EXOC4: variants seen among roughly 807,000 people sequenced by gnomAD.
EXOC4 encodes exocyst complex component 4.
EXOC4 carries 71 observed loss-of-function variants against 107.2 expected under a neutral mutation model. That is an observed-to-expected ratio of 0.66 (90% CI 0.55 to 0.81). The LOEUF (loss-of-function observed/expected upper bound fraction) is 0.81. EXOC4 is among the 30% of genes least tolerant of loss of function. EXOC4 has a pLI of 0.00. For missense variants in EXOC4, 1,108 were observed against 1,189.6 expected, an observed-to-expected ratio of 0.93 and a Z score of 1.01; for synonymous variants, 456 against 441.2, an observed-to-expected ratio of 1.03 and a Z score of -0.42.
chr7:133,724,013 A>T (rs896116839), intron 10 of EXOC4, among the ~76,000 whole-genome samples: 1 of 152,184 alleles, frequency 6.6e-6, no homozygotes, highest in African/African-American at 2.4e-5. Flanking sequence ...AGTTATATAT[A>T]TATTAAAAAA....
intron 9 of EXOC4, among the ~76,000 whole-genome samples, chr7:133,619,754 A>G (rs1802280824): frequency 6.6e-6 from 1 of 152,196 alleles, no homozygotes; most frequent in Non-Finnish European, 1.5e-5. Flanking sequence ...GATAAAACAG[A>G]ATAGACACTT....
chr7:133,559,778 C>T (rs1310952134), intron 9 of EXOC4, among the ~76,000 whole-genome samples: 2 of 152,116 alleles, frequency 1.3e-5, no homozygotes, highest in East Asian at 3.8e-4. Flanking sequence ...TTCTTTCTCA[C>T]TGTACACTTT....
At chr7:134,060,787 G>T (rs192399308) in intron 17 of EXOC4, among the ~76,000 whole-genome samples, 272 of 152,276 alleles carry the variant, frequency 1.8e-3, no homozygotes, top group Middle Eastern at 0.01. Context: ...AAAGATAAAT[G>T]AATTTCCTTC....
At chr7:133,258,390 C>T (rs1795066144) in intron 1 of EXOC4, among the ~76,000 whole-genome samples, 1 of 152,104 alleles carries the variant, frequency 6.6e-6, no homozygotes, top group Admixed American at 6.6e-5. Context: ...TGGTCACAGC[C>T]TGTGGTGTGA....
At chr7:133,706,666 A>G (rs926035687) in intron 10 of EXOC4, among the ~76,000 whole-genome samples, 5 of 152,196 alleles carry the variant, frequency 3.3e-5, no homozygotes, top group African/African-American at 9.6e-5. Flanking sequence ...GATATTTTAC[A>G]TTCTTTTTTT....
intron 6 of EXOC4, among the ~76,000 whole-genome samples, chr7:133,357,401 C>T (rs569939733): frequency 6.6e-6 from 1 of 152,272 alleles, no homozygotes; most frequent in East Asian, 1.9e-4. Context: ...TTTCCTGTGT[C>T]TCATGCTTTC....
chr7:133,455,670 C>G (rs1798447530), intron 7 of EXOC4, among the ~76,000 whole-genome samples: 1 of 152,146 alleles, frequency 6.6e-6, no homozygotes, highest in South Asian at 2.1e-4. Flanking sequence ...ATGGATAAAG[C>G]TGAGCTAATG....
intron 7 of EXOC4, among the ~76,000 whole-genome samples, chr7:133,439,416 T>A (rs1230539368): frequency 6.6e-6 from 1 of 151,868 alleles, no homozygotes; most frequent in Non-Finnish European, 1.5e-5. Context: ...ATCTCTTGAC[T>A]TCATGATCTG....
At position 133,281,704 on chromosome 7, in the gene EXOC4, ATTTTTTT is replaced by A. The variant is rs1029951425; in HGVS notation, c.276+6543_276+6549del. Among the ~76,000 whole-genome samples, 21 of 125,990 alleles carry A rather than the reference ATTTTTTT, an allele frequency of 1.7e-4. No homozygotes were observed. In the East Asian group the frequency reaches 3.1e-3, roughly 19 times the overall value. 82.7% of individuals were successfully genotyped at this position (125,990 alleles called of 152,430 possible). On this transcript the variant is annotated intron_variant, in intron 2 of 17. Transcript: ENST00000253861. ...TCCAAATTCAGTACTTTTCTTTTCT[ATTTTTTT>A]TTTTTTTTTGGAAAGAGTCTCGCTC...
At chr7:133,273,099 C>G (rs957729970) in intron 1 of EXOC4, among the ~76,000 whole-genome samples, 3 of 152,126 alleles carry the variant, frequency 2.0e-5, no homozygotes, top group African/African-American at 7.2e-5. Flanking sequence ...GAACCCTTAC[C>G]TTTGGGACAG....
At position 133,271,998 on chromosome 7, in the gene EXOC4, ATTATG is replaced by A. The variant is rs532627026; in HGVS notation, c.87-2978_87-2974del. ...TTTGTCTTCAGAGGGTGTACTTTTT[ATTATG>A]TTATGGAAAAACGCTACTGTCTTTG... On this transcript the variant is annotated intron_variant, in intron 1 of 17. Transcript: ENST00000253861. Among the ~76,000 whole-genome samples, 1,089 of 152,098 alleles carry A rather than the reference ATTATG, an allele frequency of 7.2e-3. 10 individuals carry two copies. Among genetic ancestry groups the A allele is most frequent in the African/African-American group, 0.026 (1,058 of 41,478 alleles).
In EXOC4 at chr7:133,411,081, G is replaced by A. The variant is rs1199332704; in HGVS notation, c.1182+36079G>A. On this transcript the variant is annotated intron_variant, in intron 7 of 17. Coordinates refer to ENST00000253861, the MANE Select transcript of EXOC4 (RefSeq NM_021807.4). ...TGTGATCTTAAGAGTCTCTTAAGAG[G>A]CTATAGTTACAGAGGCTAACTATCT... is the stretch of plus-strand genomic sequence containing the variant. 3.9e-5 allele frequency among the ~76,000 whole-genome samples: 6 copies of A among 152,256 alleles called. No individual in the cohort carries two copies. The East Asian group carries it at 1.2e-3, about 29-fold the overall frequency.
intron 6 of EXOC4, among the ~76,000 whole-genome samples, chr7:133,372,019 A>G (rs775895400): frequency 6.6e-6 from 1 of 152,166 alleles, no homozygotes; most frequent in Non-Finnish European, 1.5e-5. Context: ...CTTATTGGCC[A>G]TTCATATATT....
chr7:133,391,901 C>T (rs1796860745), intron 7 of EXOC4, among the ~76,000 whole-genome samples: 1 of 152,106 alleles, frequency 6.6e-6, no homozygotes, highest in Non-Finnish European at 1.5e-5. Context: ...ATTGGAAATT[C>T]AAATGCAAAT....
chr7:133,604,160 T>A (rs1376227128), intron 9 of EXOC4, among the ~76,000 whole-genome samples: 1 of 152,196 alleles, frequency 6.6e-6, no homozygotes, highest in Non-Finnish European at 1.5e-5. Context: ...ATATCATGCA[T>A]GGAGCTGTCA....
At chr7:133,285,508 T>TTA (rs1794254965) in intron 2 of EXOC4, among the ~76,000 whole-genome samples, 1 of 152,222 alleles carries the variant, frequency 6.6e-6, no homozygotes, top group African/African-American at 2.4e-5. Context: ...CTTCTAGCTT[T>TTA]TAATGTTGCT....
At chr7:133,344,752 A>C (rs1795747280) in intron 5 of EXOC4, among the ~76,000 whole-genome samples, 1 of 152,282 alleles carries the variant, frequency 6.6e-6, no homozygotes, top group African/African-American at 2.4e-5. Flanking sequence ...TTTGAAACTT[A>C]GGGTTGACTT....
intron 9 of EXOC4, among the ~76,000 whole-genome samples, chr7:133,520,279 T>C (rs1799955469): frequency 6.6e-6 from 1 of 152,202 alleles, no homozygotes; most frequent in African/African-American, 2.4e-5. Flanking sequence ...CAATATTTTA[T>C]AGTTACTGTT....
intron 10 of EXOC4, chr7:133,768,296 A>G (rs1796178109): frequency 6.6e-6 from 1 of 151,992 alleles, no homozygotes; most frequent in East Asian, 1.9e-4. Context: ...TATGAGGAAT[A>G]TAGATTTTTT....
Sources: allele counts gnomAD v4.1 joint callset (sites outside exome capture counted in the v4.1 genomes callset), GRCh38; gene constraint gnomAD v4.1.1; transcripts MANE v1.5; gene names NCBI Gene and HGNC (gene_info 2026-07-23, HGNC 2026-07-21).